The following DNAJB6 variants were observed in gnomAD, a reference collection of about 807,000 sequenced individuals.
The protein encoded by DNAJB6 is DnaJ heat shock protein family (Hsp40) member B6, also known as dnaJ homolog subfamily B member 6.
DNAJB6 carries 16 observed loss-of-function variants against 42.7 expected under a neutral mutation model. The observed-to-expected ratio is 0.37, with a 90% confidence interval of 0.25 to 0.57. The LOEUF is 0.57. DNAJB6 is among the 20% of genes least tolerant of loss of function. The probability of loss-of-function intolerance (pLI) is 0.74; values close to 1 mark genes in which losing one functional copy is unlikely to be tolerated. For synonymous variants in DNAJB6, 170 were observed against 163.5 expected (o/e 1.04, Z -0.30); for missense variants, 347 against 416.8 (o/e 0.83, Z 1.46).
intron 1 of DNAJB6, among the ~76,000 whole-genome samples, chr7:157,339,317 G>A (rs1373011720): frequency 4.5e-5 from 5 of 111,976 alleles, no homozygotes; most frequent in African/African-American, 1.6e-4. Context: ...TTTTTGAGAC[G>A]GAGTCTTGCT....
rs1584907883 is a variant in DNAJB6, at chr7:157,369,142, A to G, written c.346+1659A>G. On this transcript the variant is annotated intron_variant, in intron 5 of 9. Coordinates refer to ENST00000262177, the MANE Select transcript of DNAJB6 (RefSeq NM_058246.4). ...CGATTTCCGATTAGGGGACCGGGAGACTGGCGTGCTCATCGTTTAAGTGCA... is the reference window on the plus strand; with the variant it reads ...CGATTTCCGATTAGGGGACCGGGAGGCTGGCGTGCTCATCGTTTAAGTGCA... 5 of 380,240 alleles carry G rather than the reference A, an allele frequency of 1.3e-5. No individual in the cohort carries two copies. The East Asian group carries it at 3.7e-4, about 28-fold the overall frequency. 23.6% of individuals were successfully genotyped at this position (380,240 alleles called of 1,614,324 possible). A position where few individuals can be genotyped will look rare whatever the true frequency, so the allele number is the denominator to read the frequency against.
At position 157,410,262 on chromosome 7, in the gene DNAJB6, CAG is replaced by C. The variant is rs1313165377; in HGVS notation, c.898+264_898+265del. On this transcript the variant is annotated intron_variant, in intron 9 of 9. Transcript: ENST00000262177. ...CAGCGTGTTGCTCCGCAAAGGATGA[CAG>C]AGCTGCCACGGCAGTGCGAGGTGCT... 23 of 762,844 alleles carry C rather than the reference CAG, an allele frequency of 3.0e-5. No homozygotes were observed. In the Admixed American group the frequency reaches 3.5e-4, roughly 12 times the overall value. The allele number at this position is 762,844 out of a possible 1,614,324, so 47.3% of individuals were successfully genotyped here. A position where few individuals can be genotyped will look rare whatever the true frequency, so the allele number is the denominator to read the frequency against.
Position 157,389,740 on chromosome 7 carries a change from A to G in DNAJB6, c.691+4129A>G, listed in dbSNP as rs575611128. On this transcript the variant is annotated intron_variant, in intron 8 of 9. Coordinates refer to ENST00000262177, the MANE Select transcript of DNAJB6 (RefSeq NM_058246.4). ...GAAAAGAGGGAATGTCACAGCAGCTATTCCTGTGTTAGAAATCTAGACGTC... is the reference window on the plus strand; with the variant it reads ...GAAAAGAGGGAATGTCACAGCAGCTGTTCCTGTGTTAGAAATCTAGACGTC... Among the ~76,000 whole-genome samples the G allele has an allele frequency of 2.0e-5, 3 of 152,344 alleles. No homozygotes were observed. In the East Asian group the frequency reaches 5.8e-4, roughly 29 times the overall value.
intron 1 of DNAJB6, among the ~76,000 whole-genome samples, chr7:157,350,989 C>T (rs564936097): frequency 4.7e-4 from 70 of 150,470 alleles, no homozygotes; most frequent in African/African-American, 1.3e-3. Flanking sequence ...GGCTGGAGTG[C>T]GATGGTGCAA....
In DNAJB6 at chr7:157,363,359, T is replaced by C; in HGVS notation, c.175+89T>C. The C allele has an allele frequency of 1.2e-5, 9 of 758,334 alleles. No homozygotes were observed. In the South Asian group the frequency reaches 1.6e-4, roughly 14 times the overall value. 47.0% of individuals were successfully genotyped at this position (758,334 alleles called of 1,614,324 possible). A position where few individuals can be genotyped will look rare whatever the true frequency, so the allele number is the denominator to read the frequency against. On this transcript the variant is annotated intron_variant, in intron 3 of 9. Coordinates refer to ENST00000262177, the MANE Select transcript of DNAJB6 (RefSeq NM_058246.4). ...GGATCCTCCTCAGGGTAGCACAGTA[T>C]GGACTCAAGTGACTTGTTTTTGATG...
intron 1 of DNAJB6, among the ~76,000 whole-genome samples, chr7:157,340,664 TTGA>T (rs1230870393): frequency 1.3e-5 from 2 of 152,148 alleles, no homozygotes; most frequent in Non-Finnish European, 2.9e-5. Flanking sequence ...GGAATATTGA[TTGA>T]TGATTAGTTG....
At chr7:157,352,608 C>G (rs989338355) in intron 1 of DNAJB6, among the ~76,000 whole-genome samples, 2 of 152,000 alleles carry the variant, frequency 1.3e-5, no homozygotes, top group African/African-American at 4.8e-5. Context: ...GTCTGTGTGC[C>G]CATCGCTCCT....
rs1251966524 is a variant in DNAJB6, at chr7:157,357,304, T to G, written c.-26-1243T>G. The stretch of plus-strand genomic sequence containing the variant: ...CTTCCTTCCGTCCTTCCTTCCTTCC[T>G]TCCTTCCTTCCTTCCTTCCTCGTTC... On this transcript the variant is annotated intron_variant, in intron 1 of 9. Transcript: ENST00000262177. Among the ~76,000 whole-genome samples, 37 of 100,908 alleles carry G rather than the reference T, an allele frequency of 3.7e-4. 4 individuals carry two copies. Among genetic ancestry groups the G allele is most frequent in the African/African-American group, 1.3e-3 (37 of 28,360 alleles). 66.2% of individuals were successfully genotyped at this position (100,908 alleles called of 152,430 possible).
At chr7:157,376,387 T>C (rs540100927) in intron 5 of DNAJB6, among the ~76,000 whole-genome samples, 1 of 152,300 alleles carries the variant, frequency 6.6e-6, no homozygotes, top group Admixed American at 6.5e-5. Flanking sequence ...TAGCATGATA[T>C]TGCAAAATTT....
intron 1 of DNAJB6, among the ~76,000 whole-genome samples, chr7:157,357,623 ATTGT>A (rs1799378347): frequency 6.6e-6 from 1 of 151,800 alleles, no homozygotes; most frequent in Admixed American, 6.6e-5. Context: ...CAGATTCTTG[ATTGT>A]TGTTTTAAAA....
chr7:157,359,934 C>T (rs192433253), intron 2 of DNAJB6, among the ~76,000 whole-genome samples: 42 of 152,366 alleles, frequency 2.8e-4, no homozygotes, highest in African/African-American at 9.9e-4. Flanking sequence ...GATGCTGTCA[C>T]TAGTAGAGTG....
intron 5 of DNAJB6, among the ~76,000 whole-genome samples, chr7:157,375,247 A>G (rs1800413496): frequency 6.6e-6 from 1 of 152,214 alleles, no homozygotes; most frequent in South Asian, 2.1e-4. Context: ...AGTAGGGCTC[A>G]GAAAAGAGCC....
intron 1 of DNAJB6, among the ~76,000 whole-genome samples, chr7:157,355,597 A>G (rs1256354687): frequency 6.6e-6 from 1 of 152,154 alleles, no homozygotes; most frequent in Non-Finnish European, 1.5e-5. Flanking sequence ...GACCTTAAAT[A>G]AGAGCCTCCA....
At position 157,363,164 on chromosome 7, in the gene DNAJB6, T is replaced by C. The variant is rs759652351; in HGVS notation, c.69T>C (p.Tyr23=). Residue 23 remains tyrosine, a synonymous_variant, in exon 3 of 10, where the codon TAT becomes TAC. Transcript: ENST00000262177. ...TATATCCTTTATTCTTTCCAAGATA[T>C]CGGAAACTGGCACTGAAGTGGCATC... ...HASPEDIKKA[Y]RKLALKWHPD... is the part of the protein sequence containing the mutation. 28 of 1,599,010 alleles carry C rather than the reference T, an allele frequency of 1.8e-5. No homozygotes were observed. Among genetic ancestry groups the C allele is most frequent in the Admixed American group, 1.5e-4 (9 of 58,754 alleles).
At chr7:157,359,485 T>C (rs548944226) in intron 2 of DNAJB6, among the ~76,000 whole-genome samples, 2 of 152,152 alleles carry the variant, frequency 1.3e-5, no homozygotes, top group Admixed American at 1.3e-4. Flanking sequence ...ATTGCTGCGG[T>C]TATATTTGTG....
chr7:157,415,989 A>G (rs1269064143), intron 9 of DNAJB6, 27 bp from the exon 10 acceptor site: 2 of 1,614,144 alleles, frequency 1.2e-6, no homozygotes, highest in East Asian at 4.5e-5. Context: ...TGTTCCGTAC[A>G]GTGTTTTACA....
intron 8 of DNAJB6, among the ~76,000 whole-genome samples, chr7:157,405,077 G>T (rs368052604): frequency 6.6e-6 from 1 of 152,168 alleles, no homozygotes; most frequent in African/African-American, 2.4e-5. Context: ...AGGGTCCTTG[G>T]GTCACTGACA....
At chr7:157,345,946 G>A (rs1243931473) in intron 1 of DNAJB6, among the ~76,000 whole-genome samples, 1 of 152,010 alleles carries the variant, frequency 6.6e-6, no homozygotes, top group Non-Finnish European at 1.5e-5. Context: ...GTTTTTCCTG[G>A]CTGAGCTTCT....
intron 1 of DNAJB6, among the ~76,000 whole-genome samples, chr7:157,349,277 G>A (rs946902311): frequency 1.3e-5 from 2 of 152,128 alleles, no homozygotes; most frequent in African/African-American, 4.8e-5. Context: ...TAGTAAGTTT[G>A]TATGATTAAA....
Sources: gnomAD v4.1 joint callset for allele counts (sites outside exome capture counted in the v4.1 genomes callset) on GRCh38, gnomAD v4.1.1 for gene constraint, MANE v1.5 for transcripts, NCBI Gene and HGNC (gene_info 2026-07-23, HGNC 2026-07-21) for gene names.